AFAP1: variants seen among roughly 807,000 people sequenced by gnomAD.
AFAP1 encodes the protein actin filament associated protein 1.
AFAP1 carries 75 observed loss-of-function variants against 93.9 expected under a neutral mutation model. That is an observed-to-expected ratio of 0.80 (90% confidence interval 0.66 to 0.97). The LOEUF is 0.97. Ranked by LOEUF, AFAP1 falls within the 50% of genes least tolerant of loss-of-function variation. The pLI is 0.00. For synonymous variants in AFAP1, 517 were observed against 430.7 expected (o/e 1.20, Z -2.48); for missense variants, 1,201 against 1,050.8 (o/e 1.14, Z -1.98).
chr4:7,878,672 T>C (rs1027128805), intron 1 of AFAP1, among the ~76,000 whole-genome samples: 13 of 152,358 alleles, frequency 8.5e-5, no homozygotes, highest in South Asian at 6.2e-4. Flanking sequence ...TACCAGGCAA[T>C]AGGCTAAGTG....
intron 1 of AFAP1, among the ~76,000 whole-genome samples, chr4:7,929,857 G>C (rs999350480): frequency 6.6e-6 from 1 of 152,198 alleles, no homozygotes; most frequent in African/African-American, 2.4e-5. Context: ...CCAATCCGGA[G>C]GTGCCGGCTC....
chr4:7,857,986 T>A (rs998914238), intron 3 of AFAP1, among the ~76,000 whole-genome samples: 2 of 152,150 alleles, frequency 1.3e-5, no homozygotes, highest in African/African-American at 4.8e-5. Context: ...AAACCACATA[T>A]GAAAAAAACC....
At chr4:7,788,088 C>A (rs955504577) in intron 11 of AFAP1, among the ~76,000 whole-genome samples, 57 of 152,346 alleles carry the variant, frequency 3.7e-4, no homozygotes, top group African/African-American at 1.3e-3. Context: ...AGCGCAGGGA[C>A]CATGCGGGCA....
intron 14 of AFAP1, chr4:7,776,688 G>T (rs1019440846): frequency 2.0e-5 from 3 of 152,282 alleles, no homozygotes; most frequent in Non-Finnish European, 2.9e-5. Context: ...CTAATCAAAA[G>T]AACCACATAG....
chr4:7,780,901 G>C (rs1244214104), intron 13 of AFAP1, among the ~76,000 whole-genome samples: 2 of 152,050 alleles, frequency 1.3e-5, no homozygotes, highest in Non-Finnish European at 2.9e-5. Context: ...GTTTTTGGGA[G>C]TATACCTTTA....
At chr4:7,889,232 C>T (rs1032653986) in intron 1 of AFAP1, among the ~76,000 whole-genome samples, 16 of 152,120 alleles carry the variant, frequency 1.1e-4, no homozygotes, top group Non-Finnish European at 1.9e-4. Context: ...TTAGCAGATA[C>T]TAAAATGAGG....
intron 6 of AFAP1, among the ~76,000 whole-genome samples, chr4:7,822,868 C>T (rs1404554551): frequency 1.3e-5 from 2 of 150,330 alleles, no homozygotes; most frequent in African/African-American, 4.9e-5. Context: ...GCTGGGATTA[C>T]AGGCGTGAGC....
At chr4:7,782,014 C>G (rs1716821883) in intron 12 of AFAP1, among the ~76,000 whole-genome samples, 1 of 152,162 alleles carries the variant, frequency 6.6e-6, no homozygotes, top group Non-Finnish European at 1.5e-5. Flanking sequence ...AGAAGTTCTC[C>G]TAGCGCAGGG....
At chr4:7,917,537 T>C (rs1011262218) in intron 1 of AFAP1, among the ~76,000 whole-genome samples, 2 of 152,166 alleles carry the variant, frequency 1.3e-5, no homozygotes, top group African/African-American at 4.8e-5. Flanking sequence ...GAAAGGAATT[T>C]ATTGCAATTT....
chr4:7,926,895 C>A (rs1720801295), intron 1 of AFAP1, among the ~76,000 whole-genome samples: 1 of 152,164 alleles, frequency 6.6e-6, no homozygotes, highest in Non-Finnish European at 1.5e-5. Flanking sequence ...GCCACCATGC[C>A]CAGCTAATTT....
intron 1 of AFAP1, among the ~76,000 whole-genome samples, chr4:7,933,627 T>C (rs1265586975): frequency 1.3e-5 from 2 of 152,090 alleles, no homozygotes; most frequent in African/African-American, 4.8e-5. Context: ...AGAAGAGAAA[T>C]GCGCCCAGGG....
chr4:7,873,981 C>A (rs1458551097), intron 1 of AFAP1, among the ~76,000 whole-genome samples: 1 of 152,184 alleles, frequency 6.6e-6, no homozygotes, highest in Non-Finnish European at 1.5e-5. Context: ...AACTTTGTAT[C>A]CACCCCATAA....
chr4:7,913,552 T>C (rs915446513), intron 1 of AFAP1, among the ~76,000 whole-genome samples: 2 of 152,194 alleles, frequency 1.3e-5, no homozygotes, highest in Non-Finnish European at 2.9e-5. Context: ...TTCTGATTCC[T>C]ACCTAAGATA....
chr4:7,807,038 C>T (rs527350299), intron 9 of AFAP1, among the ~76,000 whole-genome samples: 17 of 152,292 alleles, frequency 1.1e-4, no homozygotes, highest in Admixed American at 7.8e-4. Flanking sequence ...TCTCTGTTCT[C>T]AGCTCGCTGT....
chr4:7,800,907 C>T (rs1718962517), intron 9 of AFAP1, among the ~76,000 whole-genome samples: 1 of 152,206 alleles, frequency 6.6e-6, no homozygotes, highest in Non-Finnish European at 1.5e-5. Flanking sequence ...TGCAACGAAC[C>T]AGTTACCAGA....
In AFAP1 at chr4:7,897,467, T is replaced by A. The variant is rs1257002032; in HGVS notation, c.-2-25387A>T. 2.6e-5 allele frequency among the ~76,000 whole-genome samples: 4 copies of A among 152,204 alleles called. No homozygotes were observed. The East Asian group carries it at 7.7e-4, about 29-fold the overall frequency. On this transcript the variant is annotated intron_variant, in intron 1 of 17. Transcript: ENST00000420658. ...ATCCTATCTTGGGAACTACTCATCT[T>A]CTTTGGAGTCTCTTGCATTCTGCTT...
At chr4:7,853,937 A>C (rs991417510) in intron 4 of AFAP1, among the ~76,000 whole-genome samples, 12 of 152,296 alleles carry the variant, frequency 7.9e-5, no homozygotes, top group African/African-American at 2.9e-4. Context: ...TCAGCGGCTA[A>C]GGAACAGCCC....
At chr4:7,885,514 T>C (rs563075999) in intron 1 of AFAP1, among the ~76,000 whole-genome samples, 1 of 152,340 alleles carries the variant, frequency 6.6e-6, no homozygotes, top group African/African-American at 2.4e-5. Context: ...GGCTAATTTG[T>C]CTGTCTCCTC....
At chr4:7,851,604 T>C (rs1054422315) in intron 4 of AFAP1, among the ~76,000 whole-genome samples, 21 of 152,200 alleles carry the variant, frequency 1.4e-4, no homozygotes, top group African/African-American at 5.1e-4. Flanking sequence ...GTCATCCTCA[T>C]TCCCCAGACT....
Sources: gnomAD v4.1 joint callset for allele counts (sites outside exome capture counted in the v4.1 genomes callset) on GRCh38, gnomAD v4.1.1 for gene constraint, MANE v1.5 for transcripts, NCBI Gene and HGNC (gene_info 2026-07-23, HGNC 2026-07-21) for gene names.